PCDH11X: variants seen among roughly 807,000 people sequenced by gnomAD.
PCDH11X encodes the protein protocadherin-11 X-linked.
A neutral mutation model predicts 53.3 loss-of-function variants in PCDH11X; 18 were observed. That is an observed-to-expected ratio of 0.34 (90% CI 0.23 to 0.50). PCDH11X has a LOEUF of 0.50. Among genes scored for constraint, PCDH11X ranks in the 20% least tolerant of loss-of-function variants. PCDH11X has a pLI of 0.98. For synonymous variants in PCDH11X, 279 were observed against 393.3 expected (o/e 0.71, Z 3.44); for missense variants, 570 against 1,032.4 (o/e 0.55, Z 6.14).
At chrX:92,590,245 C>A (rs1305968804) in intron 10 of PCDH11X, among the ~76,000 whole-genome samples, 1 of 110,877 alleles carries the variant, frequency 9.0e-6, no homozygotes, top group Non-Finnish European at 1.9e-5. Flanking sequence ...AGTATAAACT[C>A]TGACTCCCAC....
intron 10 of PCDH11X, among the ~76,000 whole-genome samples, chrX:92,538,413 C>T (rs2750952): frequency 2.7e-5 from 3 of 110,262 alleles, no homozygotes; most frequent in African/African-American, 6.6e-5. Context: ...TTTTCTTATT[C>T]GTTTTCTGGT....
Position 91,841,760 on chromosome X carries a change from T to C in PCDH11X, c.540+5716T>C, listed in dbSNP as rs183351161. On this transcript the variant is annotated intron_variant, in intron 5 of 10. Coordinates refer to ENST00000682573, the MANE Select transcript of PCDH11X (RefSeq NM_032968.5). ...CCCAATGTGGGTAGTTTTCTTGGCA[T>C]AAATTATTCTTTTTGTCTACACTGA... Among the ~76,000 whole-genome samples the C allele has an allele frequency of 4.8e-3, 506 of 106,000 alleles. 1 individual carries two copies. The highest frequency in any genetic ancestry group is 6.2e-3 in the Non-Finnish European group (318 of 51,506). 92.0% of individuals were successfully genotyped at this position (106,000 alleles called of 115,157 possible). A position where few individuals can be genotyped will look rare whatever the true frequency, so the allele number is the denominator to read the frequency against.
At chrX:92,519,155 A>G in intron 10 of PCDH11X, among the ~76,000 whole-genome samples, 1 of 110,515 alleles carries the variant, frequency 9.0e-6, no homozygotes, top group Non-Finnish European at 1.9e-5. Flanking sequence ...TTGTGATAAT[A>G]CATTACACAC....
intron 8 of PCDH11X, among the ~76,000 whole-genome samples, chrX:92,278,182 G>T (rs1247856205): frequency 9.0e-6 from 1 of 111,545 alleles, no homozygotes; most frequent in Non-Finnish European, 1.9e-5. Flanking sequence ...GGGATAGTGA[G>T]GGAGGTTGGA....
intron 7 of PCDH11X, among the ~76,000 whole-genome samples, chrX:92,220,578 G>A (rs1243644290): frequency 9.1e-6 from 1 of 110,470 alleles, no homozygotes; most frequent in East Asian, 2.9e-4. Context: ...TGGAGAAATA[G>A]GAACACTTTT....
intron 6 of PCDH11X, among the ~76,000 whole-genome samples, chrX:92,030,420 TG>T (rs1453016383): frequency 9.2e-6 from 1 of 108,989 alleles, no homozygotes; most frequent in Non-Finnish European, 1.9e-5. Flanking sequence ...TTGATACAGG[TG>T]TGCAATGCAT....
At chrX:92,562,779 A>T (rs1386414610) in intron 10 of PCDH11X, among the ~76,000 whole-genome samples, 1 of 110,243 alleles carries the variant, frequency 9.1e-6, no homozygotes, top group Non-Finnish European at 1.9e-5. Context: ...TTTTTTGCTA[A>T]GTCATAACAA....
At chrX:92,079,187 A>G (rs1241972239) in intron 6 of PCDH11X, among the ~76,000 whole-genome samples, 1 of 111,854 alleles carries the variant, frequency 8.9e-6, no homozygotes, top group East Asian at 2.8e-4. Flanking sequence ...CATTGTACAC[A>G]GTGGGTGCTT....
chrX:92,537,613 C>T (rs1272344749), intron 10 of PCDH11X, among the ~76,000 whole-genome samples: 55 of 103,974 alleles, frequency 5.3e-4, no homozygotes, highest in South Asian at 9.1e-4. Flanking sequence ...TGAAATTATA[C>T]CACAGAGATA....
chrX:92,283,427 C>T (rs1276717967), intron 8 of PCDH11X, among the ~76,000 whole-genome samples: 1 of 111,551 alleles, frequency 9.0e-6, no homozygotes, highest in Non-Finnish European at 1.9e-5. Flanking sequence ...CACTGAACTT[C>T]TATGGATGCC....
intron 10 of PCDH11X, among the ~76,000 whole-genome samples, chrX:92,609,902 A>C (rs1927191268): frequency 9.0e-6 from 1 of 111,316 alleles, no homozygotes; most frequent in Non-Finnish European, 1.9e-5. Flanking sequence ...CTCCAGCTGC[A>C]CCCATGTTGC....
At chrX:92,009,981 A>G (rs2062663719) in intron 6 of PCDH11X, among the ~76,000 whole-genome samples, 1 of 110,785 alleles carries the variant, frequency 9.0e-6, no homozygotes, top group Non-Finnish European at 1.9e-5. Context: ...CTGGGATTAC[A>G]GGTGTGTGCC....
chrX:91,884,827 T>C (rs1940124909), intron 6 of PCDH11X, among the ~76,000 whole-genome samples: 1 of 108,813 alleles, frequency 9.2e-6, no homozygotes, highest in Non-Finnish European at 1.9e-5. Flanking sequence ...ATGTTAATTA[T>C]GTATCATTTT....
intron 5 of PCDH11X, among the ~76,000 whole-genome samples, chrX:91,849,394 A>G (rs1288762592): frequency 3.6e-5 from 4 of 110,484 alleles, no homozygotes; most frequent in Non-Finnish European, 7.6e-5. Context: ...GTACTAAGAC[A>G]GGTAAGTACC....
chrX:92,120,205 G>T (rs1260116838), intron 6 of PCDH11X, among the ~76,000 whole-genome samples: 1 of 97,522 alleles, frequency 1.0e-5, no homozygotes, highest in East Asian at 3.1e-4. Flanking sequence ...CTGTCACCCC[G>T]GTTGGAGTGC....
At chrX:92,415,448 C>T (rs1276951982) in intron 9 of PCDH11X, among the ~76,000 whole-genome samples, 1 of 111,706 alleles carries the variant, frequency 9.0e-6, no homozygotes, top group African/African-American at 3.2e-5. Context: ...TGAATGAGAA[C>T]TCTAGTCCAT....
At chrX:92,215,237 A>G (rs1368611364) in intron 7 of PCDH11X, among the ~76,000 whole-genome samples, 1 of 110,214 alleles carries the variant, frequency 9.1e-6, no homozygotes, top group Non-Finnish European at 1.9e-5. Context: ...CGCGAGGTGA[A>G]GCAGGGCAAG....
At chrX:92,547,293 A>G (rs1200922228) in intron 10 of PCDH11X, among the ~76,000 whole-genome samples, 1 of 101,380 alleles carries the variant, frequency 9.9e-6, no homozygotes, top group Non-Finnish European at 2.0e-5. Flanking sequence ...AACATGACAT[A>G]AAAGATAAGA....
intron 8 of PCDH11X, among the ~76,000 whole-genome samples, chrX:92,290,651 A>G (rs1218688773): frequency 9.9e-5 from 11 of 110,746 alleles, no homozygotes; most frequent in Non-Finnish European, 2.1e-4. Context: ...AAACAGTGGC[A>G]TAACTAAGTG....
Sources: allele counts gnomAD v4.1 joint callset (sites outside exome capture counted in the v4.1 genomes callset), GRCh38; gene constraint gnomAD v4.1.1; transcripts MANE v1.5; gene names NCBI Gene and HGNC (gene_info 2026-07-23, HGNC 2026-07-21).